Variants in LRP5 observed in about 807,000 individuals in gnomAD.
LRP5 encodes LDL receptor related protein 5, also known as low-density lipoprotein receptor-related protein 5.
Under a neutral mutation model 154.1 loss-of-function variants are expected in LRP5, and 62 were observed. The ratio of observed to expected loss-of-function variants is 0.40; its 90% CI spans 0.33 to 0.50. LRP5 has a LOEUF of 0.50. Among genes scored for constraint, LRP5 ranks in the 20% least tolerant of loss-of-function variants. The probability of loss-of-function intolerance (pLI) is 0.55; values close to 1 mark genes in which losing one functional copy is unlikely to be tolerated. For synonymous variants in LRP5, 966 were observed against 1,011.5 expected (o/e 0.96, Z 0.85); for missense variants, 1,915 against 2,336.7 (o/e 0.82, Z 3.72).
At chr11:68,317,134 G>A (rs2098593880) in intron 1 of LRP5, among the ~76,000 whole-genome samples, 1 of 152,228 alleles carries the variant, frequency 6.6e-6, no homozygotes, top group African/African-American at 2.4e-5. Context: ...GCTGTGGCTT[G>A]CTACGAGCCG....
intron 5 of LRP5, among the ~76,000 whole-genome samples, chr11:68,378,121 G>A (rs959733076): frequency 4.6e-5 from 7 of 152,040 alleles, no homozygotes; most frequent in African/African-American, 1.7e-4. Flanking sequence ...GGAGGTGTCC[G>A]GGGCTGCCCT....
intron 2 of LRP5, among the ~76,000 whole-genome samples, chr11:68,351,022 G>A (rs771804259): frequency 6.6e-6 from 1 of 152,216 alleles, no homozygotes; most frequent in Non-Finnish European, 1.5e-5. Context: ...GACTGTGTGT[G>A]CACGTGTATG....
At chr11:68,372,002 C>T (rs1292328996) in intron 5 of LRP5, among the ~76,000 whole-genome samples, 1 of 152,224 alleles carries the variant, frequency 6.6e-6, no homozygotes, top group Non-Finnish European at 1.5e-5. Context: ...AGGATAGAGG[C>T]TCTGTGGTGA....
chr11:68,327,975 C>T (rs768495926), intron 1 of LRP5, among the ~76,000 whole-genome samples: 5 of 152,178 alleles, frequency 3.3e-5, no homozygotes, highest in African/African-American at 4.8e-5. Flanking sequence ...CAAAGCTGAT[C>T]GTCAACACTG....
chr11:68,427,516 CT>C (rs2098669442), intron 16 of LRP5, among the ~76,000 whole-genome samples: 2 of 152,278 alleles, frequency 1.3e-5, no homozygotes, highest in South Asian at 4.1e-4. Flanking sequence ...CCCGTCTCTA[CT>C]AAAAATACAA....
rs571088193 is a variant in LRP5, at chr11:68,330,438, C to T, written c.92-17409C>T. Among the ~76,000 whole-genome samples, 54 of 152,310 alleles carry T rather than the reference C, an allele frequency of 3.5e-4. 1 individual carries two copies. In the South Asian group the frequency reaches 9.3e-3, roughly 26 times the overall value. ...TTAATAGCCTGGGTTTTGGAAGAGG[C>T]GATTTGCTTCTGGTAACTGGCTCCG... On this transcript the variant is annotated intron_variant, in intron 1 of 22. Transcript: ENST00000294304.
chr11:68,303,729 G>A, the LRP5 span, among the ~76,000 whole-genome samples: 15 of 152,266 alleles, frequency 9.9e-5, no homozygotes, highest in East Asian at 3.9e-4. Context: ...TCCTGATCTC[G>A]TGATCTGCCC....
At chr11:68,373,537 C>T (rs187997273) in intron 5 of LRP5, among the ~76,000 whole-genome samples, 14 of 152,270 alleles carry the variant, frequency 9.2e-5, no homozygotes, top group Admixed American at 6.5e-5. Context: ...GTATATCCCA[C>T]GAGCCTCTGC....
intron 18 of LRP5, among the ~76,000 whole-genome samples, chr11:68,434,192 G>A (rs536653660): frequency 6.6e-6 from 1 of 152,340 alleles, no homozygotes; most frequent in Non-Finnish European, 1.5e-5. Context: ...TGACCAGTCT[G>A]TGGGATAGTG....
At chr11:68,339,909 T>C (rs2098607950) in intron 1 of LRP5, among the ~76,000 whole-genome samples, 1 of 152,210 alleles carries the variant, frequency 6.6e-6, no homozygotes, top group South Asian at 2.1e-4. Context: ...TTTGAGGCAC[T>C]ACCAGGCTGT....
At position 68,377,157 on chromosome 11, in the gene LRP5, G is replaced by T. The variant is rs548329852; in HGVS notation, c.1016-9159G>T. Among the ~76,000 whole-genome samples, 6 of 152,310 alleles carry T rather than the reference G, an allele frequency of 3.9e-5. No homozygotes were observed. The South Asian group carries it at 1.2e-3, about 32-fold the overall frequency. On this transcript the variant is annotated intron_variant, in intron 5 of 22. Coordinates refer to ENST00000294304, the MANE Select transcript of LRP5 (RefSeq NM_002335.4). The stretch of plus-strand genomic sequence containing the variant: ...GCCATGGGCCTGAGGTTGTGGTGGG[G>T]CATGGGGGCAGAGGCAGGCAGTGGG...
chr11:68,402,583 C>A (rs314747), intron 7 of LRP5, among the ~76,000 whole-genome samples: 3,655 of 151,396 alleles, frequency 0.024, 145 homozygotes, highest in African/African-American at 0.084. Flanking sequence ...CAGGTCCTTA[C>A]ATTTGCTCCA....
chr11:68,344,082 G>A lies in LRP5; in HGVS notation c.92-3765G>A, dbSNP rs557677151. Among the ~76,000 whole-genome samples the A allele has an allele frequency of 6.6e-5, 10 of 152,132 alleles. No homozygotes were observed. The South Asian group carries it at 1.9e-3, about 28-fold the overall frequency. On this transcript the variant is annotated intron_variant, in intron 1 of 22. Coordinates refer to ENST00000294304, the MANE Select transcript of LRP5 (RefSeq NM_002335.4). ...CACCCGCAGCCCAGTCAGGGGTGGC[G>A]CCTGGGTGCATCGCCCGCAGGCTGG...
At chr11:68,359,706 G>T (rs1337018614) in intron 3 of LRP5, among the ~76,000 whole-genome samples, 3 of 151,438 alleles carry the variant, frequency 2.0e-5, no homozygotes, top group African/African-American at 7.3e-5. Context: ...TTGAGGCAGG[G>T]TCTCACTTTG....
At chr11:68,372,326 A>G (rs623218) in intron 5 of LRP5, among the ~76,000 whole-genome samples, 19 of 115,064 alleles carry the variant, frequency 1.7e-4, no homozygotes, top group Middle Eastern at 7.9e-3. Context: ...AGTGTCAGGC[A>G]GACCCGGGAC....
At chr11:68,375,264 C>T (rs890462718) in intron 5 of LRP5, among the ~76,000 whole-genome samples, 20 of 152,322 alleles carry the variant, frequency 1.3e-4, no homozygotes, top group African/African-American at 4.1e-4. Context: ...ATAGAAGACA[C>T]GGCCCCTGGG....
intron 7 of LRP5, 135 bp from the exon 8 acceptor site, chr11:68,403,348 G>A: frequency 1.4e-6 from 1 of 718,426 alleles, no homozygotes. Context: ...TACCTGGCAA[G>A]GTGCAGGTAA....
intron 3 of LRP5, among the ~76,000 whole-genome samples, chr11:68,363,458 A>G (rs757665061): frequency 2.2e-4 from 34 of 152,168 alleles, no homozygotes; most frequent in Admixed American, 1.1e-3. Context: ...GGAGTTCGAG[A>G]CCAGCCTTGC....
chr11:68,375,105 G>T (rs1170080270), intron 5 of LRP5, among the ~76,000 whole-genome samples: 2 of 152,228 alleles, frequency 1.3e-5, no homozygotes, highest in Non-Finnish European at 2.9e-5. Context: ...GGCCTGGTGG[G>T]ACGCCCACGT....
Sources: allele counts gnomAD v4.1 joint callset (sites outside exome capture counted in the v4.1 genomes callset), GRCh38; gene constraint gnomAD v4.1.1; transcripts MANE v1.5; gene names NCBI Gene and HGNC (gene_info 2026-07-23, HGNC 2026-07-21).